Variants in KLHL28 observed in about 807,000 individuals in gnomAD.
KLHL28 encodes the protein kelch-like protein 28.
In KLHL28, 22 loss-of-function variants were observed where a neutral mutation model predicts 48.3. The observed-to-expected ratio is 0.46, with a 90% CI of 0.33 to 0.65. KLHL28 has a LOEUF of 0.65. Ranked by LOEUF, KLHL28 falls within the 30% of genes least tolerant of loss-of-function variation. The pLI is 0.03. For synonymous variants in KLHL28, 243 were observed against 242.4 expected, an observed-to-expected ratio of 1.00 and a Z score of -0.02; for missense variants, 527 against 704.3, an observed-to-expected ratio of 0.75 and a Z score of 2.85.
chr14:44,953,189 C>T (rs376767428), intron 1 of KLHL28, among the ~76,000 whole-genome samples: 1 of 152,134 alleles, frequency 6.6e-6, no homozygotes, highest in African/African-American at 2.4e-5. Context: ...GGTGGAATCT[C>T]TGCGAGGGAA....
chr14:44,942,409 C>T (rs1884140128), intron 2 of KLHL28, among the ~76,000 whole-genome samples: 1 of 152,130 alleles, frequency 6.6e-6, no homozygotes, highest in African/African-American at 2.4e-5. Flanking sequence ...TCTACAATAA[C>T]ATCTTATTTA....
At chr14:44,955,917 A>C (rs190311523) in intron 1 of KLHL28, among the ~76,000 whole-genome samples, 8 of 152,362 alleles carry the variant, frequency 5.3e-5, no homozygotes, top group Non-Finnish European at 1.2e-4. Context: ...GATCATCAAT[A>C]ATAATAACTG....
chr14:44,952,761 T>G (rs1884634916), intron 1 of KLHL28, among the ~76,000 whole-genome samples: 1 of 150,586 alleles, frequency 6.6e-6, no homozygotes, highest in African/African-American at 2.5e-5. Context: ...TTCTCAGCTA[T>G]CTACCCATAA....
At chr14:44,937,038 G>A (rs974044945) in intron 2 of KLHL28, among the ~76,000 whole-genome samples, 1 of 150,446 alleles carries the variant, frequency 6.6e-6, no homozygotes, top group Non-Finnish European at 1.5e-5. Flanking sequence ...AATAACAAAG[G>A]CTGGCATCTG....
At chr14:44,941,522 G>A (rs1594574194) in intron 2 of KLHL28, among the ~76,000 whole-genome samples, 1 of 151,748 alleles carries the variant, frequency 6.6e-6, no homozygotes, top group Admixed American at 6.6e-5. Flanking sequence ...CAGCTACTCG[G>A]GAGGCTGAGG....
chr14:44,940,693 TAA>T (rs895377516), intron 2 of KLHL28, among the ~76,000 whole-genome samples: 3 of 152,238 alleles, frequency 2.0e-5, no homozygotes, highest in African/African-American at 7.2e-5. Context: ...TCTTGAGGCA[TAA>T]AGAGTCTCTC....
chr14:44,929,934 A>AT (rs908961335), intron 4 of KLHL28, among the ~76,000 whole-genome samples: 39 of 151,362 alleles, frequency 2.6e-4, no homozygotes, highest in African/African-American at 4.6e-4. Flanking sequence ...TCCATAGGCT[A>AT]TTTTTTTTTA....
intron 1 of KLHL28, chr14:44,961,028 C>T: frequency 1.5e-6 from 1 of 680,504 alleles, no homozygotes; most frequent in Non-Finnish European, 2.6e-6. Context: ...TTCCACACTC[C>T]AAAGCATTCA....
chr14:44,935,089 C>T (rs1283136117), intron 2 of KLHL28, among the ~76,000 whole-genome samples: 2 of 152,062 alleles, frequency 1.3e-5, no homozygotes, highest in Non-Finnish European at 2.9e-5. Flanking sequence ...AATGTTTATC[C>T]ACTATAAAAT....
intron 1 of KLHL28, among the ~76,000 whole-genome samples, chr14:44,960,126 T>C (rs1288775752): frequency 6.6e-6 from 1 of 152,202 alleles, no homozygotes; most frequent in East Asian, 1.9e-4. Context: ...CAATCTGTAA[T>C]GTATAGTGAT....
In KLHL28 at chr14:44,926,510, C is replaced by CTTT; in HGVS notation, c.*2515_*2517dup. 6.9e-6 allele frequency: 1 copy of CTTT among 144,420 alleles called. No individual in the cohort carries two copies. Among genetic ancestry groups the CTTT allele is most frequent in the Non-Finnish European group, 1.5e-5 (1 of 65,390 alleles). 8.9% of individuals were successfully genotyped at this position (144,420 alleles called of 1,614,324 possible). A position where few individuals can be genotyped will look rare whatever the true frequency, so the allele number is the denominator to read the frequency against. On this transcript the variant is annotated 3_prime_UTR_variant, in exon 5 of 5. Coordinates refer to ENST00000396128, the MANE Select transcript of KLHL28 (RefSeq NM_017658.5). The stretch of plus-strand genomic sequence containing the variant: ...GAATAGATGTGTTTATAATTAAAAT[C>CTTT]TTTTTTTTTTTTTGAGGTGGAGTTT...
chr14:44,951,583 A>T (rs990845583), intron 1 of KLHL28, among the ~76,000 whole-genome samples: 4 of 152,252 alleles, frequency 2.6e-5, no homozygotes, highest in African/African-American at 9.6e-5. Flanking sequence ...AATAGAAATT[A>T]TCAAAGTGTT....
intron 1 of KLHL28, among the ~76,000 whole-genome samples, chr14:44,956,347 G>A (rs1278848233): frequency 6.6e-6 from 1 of 152,100 alleles, no homozygotes; most frequent in Non-Finnish European, 1.5e-5. Context: ...TAAATAATGG[G>A]CATTGATTGT....
intron 2 of KLHL28, among the ~76,000 whole-genome samples, chr14:44,937,344 T>C (rs981822016): frequency 1.3e-5 from 2 of 152,042 alleles, no homozygotes; most frequent in African/African-American, 4.8e-5. Context: ...AGACAGGGTT[T>C]CACTATATTG....
chr14:44,951,154 A>C (rs118117258), intron 1 of KLHL28, among the ~76,000 whole-genome samples: 3,200 of 152,340 alleles, frequency 0.021, 53 homozygotes, highest in Non-Finnish European at 0.033. Context: ...GCTCTATTCT[A>C]AGGGTGTGGG....
chr14:44,956,250 T>C (rs1279270452), intron 1 of KLHL28, among the ~76,000 whole-genome samples: 1 of 152,128 alleles, frequency 6.6e-6, no homozygotes, highest in Non-Finnish European at 1.5e-5. Flanking sequence ...CATGAGCCAC[T>C]ACACCTGGCC....
rs1002391729 is a variant in KLHL28, at chr14:44,961,092, T to C, written c.-1+754A>G. ...ACTGTGTCCGTTTAAGTATCACTTA[T>C]GAGGAGAAAATGCACACAAAATTCT... On this transcript the variant is annotated intron_variant, in intron 1 of 4. Coordinates refer to ENST00000396128, the MANE Select transcript of KLHL28 (RefSeq NM_017658.5). The C allele has an allele frequency of 1.5e-4, 62 of 427,344 alleles. 1 individual carries two copies. Among genetic ancestry groups the C allele is most frequent in the Non-Finnish European group, 6.7e-5 (16 of 238,596 alleles). The allele number at this position is 427,344 out of a possible 1,614,324, so 26.5% of individuals were successfully genotyped here.
rs1229663663 is a variant in KLHL28, at chr14:44,926,262, T to C, written c.*2766A>G. On this transcript the variant is annotated 3_prime_UTR_variant, in exon 5 of 5. Transcript: ENST00000396128. ...TAAATATACTTCTAAATTTTGAACA[T>C]TTTTCCTCTTCCTTTCACAGATTTT... 4 of 152,284 alleles carry C rather than the reference T, an allele frequency of 2.6e-5. No homozygotes were observed. Among genetic ancestry groups the C allele is most frequent in the South Asian group, 4.1e-4 (2 of 4,830 alleles). 9.4% of individuals were successfully genotyped at this position (152,284 alleles called of 1,614,324 possible).
At chr14:44,939,191 G>A (rs1390710037) in intron 2 of KLHL28, among the ~76,000 whole-genome samples, 2 of 152,166 alleles carry the variant, frequency 1.3e-5, no homozygotes, top group East Asian at 3.9e-4. Context: ...AGACTCCCAA[G>A]GTGGCCATGG....
Sources: allele counts gnomAD v4.1 joint callset (sites outside exome capture counted in the v4.1 genomes callset), GRCh38; gene constraint gnomAD v4.1.1; transcripts MANE v1.5; gene names NCBI Gene and HGNC (gene_info 2026-07-23, HGNC 2026-07-21).